CUX1: variants seen among roughly 807,000 people sequenced by gnomAD.
The protein encoded by CUX1 is protein CASP.
A neutral mutation model predicts 158.8 loss-of-function variants in CUX1; 31 were observed. The ratio of observed to expected loss-of-function variants is 0.20; its 90% CI spans 0.15 to 0.26. The LOEUF (loss-of-function observed/expected upper bound fraction) is 0.26. Among genes scored for constraint, CUX1 ranks in the 10% least tolerant of loss-of-function variants. The pLI, the probability that CUX1 is intolerant of heterozygous loss-of-function variation, is 1.00. For synonymous variants in CUX1, 879 were observed against 862.1 expected (o/e 1.02, Z -0.34); for missense variants, 1,589 against 2,014.6 (o/e 0.79, Z 4.04).
intron 11 of CUX1, among the ~76,000 whole-genome samples, chr7:102,182,280 T>C (rs1303957786): frequency 1.3e-5 from 2 of 152,230 alleles, no homozygotes; most frequent in Admixed American, 6.5e-5. Flanking sequence ...AGAAGGCTTA[T>C]TGGGCAGAAT....
chr7:101,999,047 G>A (rs770000395), intron 2 of CUX1, among the ~76,000 whole-genome samples: 1 of 152,036 alleles, frequency 6.6e-6, no homozygotes, highest in Non-Finnish European at 1.5e-5. Flanking sequence ...CGTGCCACCA[G>A]ATCCTGTCCC....
Position 102,253,761 on chromosome 7 carries a change from C to A in CUX1, c.*4719C>A, listed in dbSNP as rs967088747. On this transcript the variant is annotated 3_prime_UTR_variant, in exon 24 of 24. Transcript: ENST00000292535. ...TAGACCTTACTCATCCCAAGGCCGA[C>A]AAGCCAGCTGTACAGGGCGAGATGT... 5.4e-5 allele frequency: 53 copies of A among 985,498 alleles called. No homozygotes were observed. Among genetic ancestry groups the A allele is most frequent in the Non-Finnish European group, 6.1e-5 (51 of 829,966 alleles). 61.0% of individuals were successfully genotyped at this position (985,498 alleles called of 1,614,324 possible). A position where few individuals can be genotyped will look rare whatever the true frequency, so the allele number is the denominator to read the frequency against.
chr7:102,087,100 T>G (rs907973916), intron 4 of CUX1, among the ~76,000 whole-genome samples: 1 of 152,212 alleles, frequency 6.6e-6, no homozygotes, highest in Admixed American at 6.5e-5. Flanking sequence ...AACTGGAATG[T>G]TAGATCATTT....
At chr7:101,966,763 C>CTCCCTATATT (rs1439273411) in intron 2 of CUX1, among the ~76,000 whole-genome samples, 1 of 152,126 alleles carries the variant, frequency 6.6e-6, no homozygotes, top group Non-Finnish European at 1.5e-5. Context: ...CGGTCTGTAT[C>CTCCCTATATT]TCCCTATATT....
At chr7:102,166,436 G>A (rs1791042603) in intron 9 of CUX1, among the ~76,000 whole-genome samples, 1 of 152,154 alleles carries the variant, frequency 6.6e-6, no homozygotes, top group Non-Finnish European at 1.5e-5. Flanking sequence ...ACGGGAGTCC[G>A]GCGGTGACCA....
chr7:102,196,069 C>T (rs782084494), intron 14 of CUX1, among the ~76,000 whole-genome samples: 35 of 152,234 alleles, frequency 2.3e-4, no homozygotes, highest in Non-Finnish European at 8.8e-5. Context: ...CCTTTCTTGG[C>T]TCATCCCCCA....
intron 1 of CUX1, among the ~76,000 whole-genome samples, chr7:101,841,128 T>C (rs1313288169): frequency 2.6e-5 from 4 of 152,016 alleles, no homozygotes; most frequent in South Asian, 2.1e-4. Context: ...CTCCTGACTT[T>C]GTGATCCGCC....
chr7:101,965,721 C>T (rs993222767), intron 2 of CUX1, among the ~76,000 whole-genome samples: 4 of 151,360 alleles, frequency 2.6e-5, no homozygotes, highest in South Asian at 2.1e-4. Flanking sequence ...TGGTGGCAGG[C>T]GCCTGTAGTC....
intron 2 of CUX1, among the ~76,000 whole-genome samples, chr7:101,980,857 G>A (rs1418717812): frequency 1.3e-5 from 2 of 152,120 alleles, no homozygotes; most frequent in Middle Eastern, 3.2e-3. Flanking sequence ...CCCGAACACA[G>A]CACCTGCGCT....
chr7:102,135,461 G>A (rs1833797952), intron 8 of CUX1, among the ~76,000 whole-genome samples: 1 of 151,892 alleles, frequency 6.6e-6, no homozygotes, highest in Admixed American at 6.6e-5. Flanking sequence ...TGGAGGAGGT[G>A]GGAGGGGGGC....
chr7:102,239,853 T>C (rs1216959790), intron 23 of CUX1, among the ~76,000 whole-genome samples: 1 of 151,942 alleles, frequency 6.6e-6, no homozygotes, highest in Non-Finnish European at 1.5e-5. Context: ...TTTAAGCAGT[T>C]CTCCTGCGTC....
intron 2 of CUX1, among the ~76,000 whole-genome samples, chr7:102,004,034 C>T (rs1405676661): frequency 6.6e-6 from 1 of 152,154 alleles, no homozygotes; most frequent in Admixed American, 6.6e-5. Context: ...TTCTGAATTT[C>T]CTAAAAAATA....
intron 1 of CUX1, among the ~76,000 whole-genome samples, chr7:101,873,176 TTC>T (rs1417443466): frequency 1.4e-5 from 2 of 140,278 alleles, no homozygotes; most frequent in African/African-American, 2.5e-5. Context: ...TGGCCTCAGC[TTC>T]TTTTTTTTTT....
chr7:101,940,422 G>A (rs1807566781), intron 2 of CUX1, among the ~76,000 whole-genome samples: 1 of 152,092 alleles, frequency 6.6e-6, no homozygotes, highest in Admixed American at 6.5e-5. Flanking sequence ...TGTGGTGCCT[G>A]CGGGCGCGCA....
intron 1 of CUX1, among the ~76,000 whole-genome samples, chr7:101,848,875 A>T (rs1795974843): frequency 6.6e-6 from 1 of 150,380 alleles, no homozygotes; most frequent in Non-Finnish European, 1.5e-5. Flanking sequence ...AAAGAGTTTG[A>T]AAAAAGTGTG....
chr7:102,254,836 T>G lies in CUX1; in HGVS notation c.*5794T>G, dbSNP rs769337136. 60 of 985,322 alleles carry G rather than the reference T, an allele frequency of 6.1e-5. No individual in the cohort carries two copies. The highest frequency in any genetic ancestry group is 7.2e-5 in the Non-Finnish European group (60 of 829,954). The allele number at this position is 985,322 out of a possible 1,614,324, so 61.0% of individuals were successfully genotyped here. A position where few individuals can be genotyped will look rare whatever the true frequency, so the allele number is the denominator to read the frequency against. On this transcript the variant is annotated 3_prime_UTR_variant, in exon 24 of 24. Transcript: ENST00000292535. ...CAGTCTGGCCGGCACACTCGAACGCTAAGAGAATGGTCCAATTTGATGATC... is the reference window on the plus strand; with the variant it reads ...CAGTCTGGCCGGCACACTCGAACGCGAAGAGAATGGTCCAATTTGATGATC...
intron 2 of CUX1, among the ~76,000 whole-genome samples, chr7:102,027,107 G>A (rs558021612): frequency 1.9e-4 from 29 of 151,614 alleles, no homozygotes; most frequent in African/African-American, 6.5e-4. Flanking sequence ...AGCTAGGGCC[G>A]GCCATGGTGG....
chr7:102,276,732 C>T (rs181293444), intron 17 of CUX1, among the ~76,000 whole-genome samples: 1 of 152,222 alleles, frequency 6.6e-6, no homozygotes, highest in Admixed American at 6.5e-5. Context: ...TCCATGAATA[C>T]GAACATTCGG....
intron 1 of CUX1, among the ~76,000 whole-genome samples, chr7:101,843,691 A>T (rs986963935): frequency 6.6e-6 from 1 of 152,132 alleles, no homozygotes; most frequent in Non-Finnish European, 1.5e-5. Context: ...CTTTCTGTCA[A>T]ACAAGTTAAG....
Sources: allele counts gnomAD v4.1 joint callset (sites outside exome capture counted in the v4.1 genomes callset), GRCh38; gene constraint gnomAD v4.1.1; transcripts MANE v1.5; gene names NCBI Gene and HGNC (gene_info 2026-07-23, HGNC 2026-07-21).